Variants in TARBP1 observed in about 807,000 individuals in gnomAD.
TARBP1 encodes the protein tRNA guanosine 2 -O-methyltransferase TARBP1, also known as tRNA (guanosine(18)-2'-O)-methyltransferase TARBP1.
A neutral mutation model predicts 178.6 loss-of-function variants in TARBP1; 144 were observed. The ratio of observed to expected loss-of-function variants is 0.81; its 90% CI spans 0.70 to 0.93. The LOEUF (loss-of-function observed/expected upper bound fraction) is 0.93, where lower values mean the gene tolerates loss of function less well. Ranked by LOEUF, TARBP1 falls within the 40% of genes least tolerant of loss-of-function variation. The pLI is 0.00. For synonymous variants in TARBP1, 787 were observed against 781.0 expected, an observed-to-expected ratio of 1.01 and a Z score of -0.13; for missense variants, 2,067 against 2,011.7, an observed-to-expected ratio of 1.03 and a Z score of -0.53.
At chr1:234,430,029 C>T in intron 15 of TARBP1, 58 bp downstream of exon 15, 1 of 1,500,076 alleles carries the variant, frequency 6.7e-7, no homozygotes, top group Admixed American at 1.8e-5. Context: ...GTTGGGCAAT[C>T]ATGAACTCAC....
At chr1:234,426,599 T>C (rs1663804387) in intron 19 of TARBP1, among the ~76,000 whole-genome samples, 1 of 152,230 alleles carries the variant, frequency 6.6e-6, no homozygotes, top group South Asian at 2.1e-4. Flanking sequence ...AATCATTTGA[T>C]GTCCTAAACT....
At chr1:234,473,508 C>G (rs970602042) in intron 1 of TARBP1, among the ~76,000 whole-genome samples, 1 of 152,212 alleles carries the variant, frequency 6.6e-6, no homozygotes, top group African/African-American at 2.4e-5. Context: ...TGTGTGCACC[C>G]TGGGTGCTGC....
rs1041720211 is a variant in TARBP1 at position 234,472,646 on chromosome 1, A to C, written c.1029+68T>G. The stretch of plus-strand genomic sequence containing the variant: ...GAGTTAGTCTCTTTGTATCGCTTTT[A>C]ATGAATGTTTTTAAAAAAGAAAAAT... On this transcript the variant is annotated intron_variant, in intron 2 of 29. Coordinates refer to ENST00000040877, the MANE Select transcript of TARBP1 (RefSeq NM_005646.4). 3.8e-6 allele frequency: 4 copies of C among 1,045,160 alleles called. No individual in the cohort carries two copies. In the African/African-American group the frequency reaches 6.6e-5, roughly 17 times the overall value. The allele number at this position is 1,045,160 out of a possible 1,614,324, so 64.7% of individuals were successfully genotyped here. A position where few individuals can be genotyped will look rare whatever the true frequency, so the allele number is the denominator to read the frequency against.
In TARBP1 at chr1:234,398,405, C is replaced by T; in HGVS notation, c.4220G>A (p.Gly1407Asp). 1 of 1,608,074 alleles carries T rather than the reference C, an allele frequency of 6.2e-7. No individual in the cohort carries two copies. The highest frequency in any genetic ancestry group is 1.3e-5 in the African/African-American group (1 of 74,924). Reference protein sequence around the residue: ...SQTQLSKLKPGDWSQQDIGTN... With the variant: ...SQTQLSKLKPDDWSQQDIGTN... The stretch of plus-strand genomic sequence containing the variant: ...ACCTATGTCTTGCTGAGACCAGTCA[C>T]CTGGTTTTAGTTTACTAAGTTGAGT... Residue 1407 changes from glycine (G) to aspartate (D), a missense_variant, in exon 26 of 30, where the codon GGT becomes GAT. Gly to Asp is a moderately conservative substitution (Grantham distance 94). Transcript: ENST00000040877.
At chr1:234,467,376 GT>G in intron 4 of TARBP1, 125 bp downstream of exon 4, 1 of 993,170 alleles carries the variant, frequency 1.0e-6, no homozygotes, top group South Asian at 2.4e-5. Flanking sequence ...GGAAAGCTGG[GT>G]TTAGAGAAAT....
chr1:234,419,089 G>A (rs553416111), intron 21 of TARBP1, among the ~76,000 whole-genome samples: 84 of 152,180 alleles, frequency 5.5e-4, no homozygotes, highest in African/African-American at 1.9e-3. Context: ...GGAGAATGGC[G>A]TGAACCCTGG....
chr1:234,392,320 A>G (rs1659460868), intron 29 of TARBP1, 96 bp downstream of exon 29: 1 of 1,436,450 alleles, frequency 7.0e-7, no homozygotes, highest in African/African-American at 1.4e-5. Flanking sequence ...TGGGCTACAG[A>G]GTGAGACTCC....
chr1:234,457,628 T>C (rs763812226), intron 9 of TARBP1, 39 bp downstream of exon 9: 9 of 1,421,202 alleles, frequency 6.3e-6, no homozygotes, highest in Admixed American at 2.2e-5. Flanking sequence ...CCATTTTTTA[T>C]AGTTTTCAAA....
chr1:234,424,407 G>C (rs934482118), intron 20 of TARBP1, among the ~76,000 whole-genome samples: 2 of 152,032 alleles, frequency 1.3e-5, no homozygotes, highest in Non-Finnish European at 2.9e-5. Flanking sequence ...CAACCTAACT[G>C]GATTGTTTTT....
chr1:234,417,955 C>T, intron 22 of TARBP1, 129 bp downstream of exon 22: 1 of 482,258 alleles, frequency 2.1e-6, no homozygotes, highest in Non-Finnish European at 3.4e-6. Context: ...TCTTGCAAAA[C>T]ATAACTTATG....
chr1:234,467,389 T>C (rs1307596668), intron 4 of TARBP1, 113 bp downstream of exon 4: 7 of 1,099,674 alleles, frequency 6.4e-6, no homozygotes, highest in South Asian at 2.2e-5. Context: ...TAGAGAAATA[T>C]GATTTGTTGG....
chr1:234,451,344 T>C (rs1666730608), intron 9 of TARBP1, among the ~76,000 whole-genome samples: 1 of 152,066 alleles, frequency 6.6e-6, no homozygotes, highest in African/African-American at 2.4e-5. Flanking sequence ...ATGAAATGAG[T>C]CTTTCTAAAA....
chr1:234,426,597 G>C (rs1663803652), intron 19 of TARBP1, among the ~76,000 whole-genome samples: 3 of 152,204 alleles, frequency 2.0e-5, no homozygotes, highest in Admixed American at 6.5e-5. Context: ...ATAATCATTT[G>C]ATGTCCTAAA....
intron 21 of TARBP1, among the ~76,000 whole-genome samples, chr1:234,419,288 G>T (rs1662818209): frequency 6.6e-6 from 1 of 152,172 alleles, no homozygotes; most frequent in African/African-American, 2.4e-5. Context: ...AGTAGAAAAA[G>T]AGCAGAAGGG....
At position 234,478,358 on chromosome 1, in the gene TARBP1, G is replaced by T. The variant is rs1026770437; in HGVS notation, c.746C>A (p.Ala249Asp). Residue 249 changes from alanine to aspartate, a missense_variant, in exon 1 of 30, where the codon GCC becomes GAC. Coordinates refer to ENST00000040877, the MANE Select transcript of TARBP1 (RefSeq NM_005646.4). ...KLLPEPGGDR[A>D]RGAREAGPDA... ...CGGGCCCGCCTCGCGCGCGCCGCGGGCGCGGTCGCCGCCGGGCTCGGGCAA... is the reference window on the plus strand; with the variant it reads ...CGGGCCCGCCTCGCGCGCGCCGCGGTCGCGGTCGCCGCCGGGCTCGGGCAA... 1.2e-5 allele frequency: 15 copies of T among 1,269,630 alleles called. No homozygotes were observed. The highest frequency in any genetic ancestry group is 1.5e-5 in the Non-Finnish European group (15 of 1,012,534). 78.6% of individuals were successfully genotyped at this position (1,269,630 alleles called of 1,614,324 possible).
chr1:234,444,264 A>G (rs1047209934), intron 12 of TARBP1, among the ~76,000 whole-genome samples: 1 of 152,252 alleles, frequency 6.6e-6, no homozygotes, highest in Non-Finnish European at 1.5e-5. Context: ...TTCAGCCAGT[A>G]GTGAGGACAG....
At chr1:234,466,933 G>A (rs1439238337) in intron 4 of TARBP1, among the ~76,000 whole-genome samples, 1 of 152,164 alleles carries the variant, frequency 6.6e-6, no homozygotes, top group Non-Finnish European at 1.5e-5. Flanking sequence ...ATGAGAGGTA[G>A]ATTACTCTAC....
intron 22 of TARBP1, among the ~76,000 whole-genome samples, chr1:234,417,799 A>G (rs1662602110): frequency 2.6e-5 from 4 of 152,322 alleles, no homozygotes; most frequent in Admixed American, 2.6e-4. Flanking sequence ...TGCTTGGTAA[A>G]TAAGAATACG....
chr1:234,412,816 T>C (rs1372292280), intron 22 of TARBP1, among the ~76,000 whole-genome samples: 1 of 152,110 alleles, frequency 6.6e-6, no homozygotes, highest in Admixed American at 6.5e-5. Flanking sequence ...GTCAGTGTGG[T>C]ACTCAGTTAT....
Sources: allele counts gnomAD v4.1 joint callset (sites outside exome capture counted in the v4.1 genomes callset), GRCh38; gene constraint gnomAD v4.1.1; transcripts MANE v1.5; gene names NCBI Gene and HGNC (gene_info 2026-07-23, HGNC 2026-07-21).